FSTL5: variants seen among roughly 807,000 people sequenced by gnomAD.
FSTL5 encodes the protein follistatin like 5, also known as follistatin-related protein 5.
A neutral mutation model predicts 89.1 loss-of-function variants in FSTL5; 62 were observed. That is an observed-to-expected ratio of 0.70 (90% CI 0.57 to 0.86). The LOEUF (loss-of-function observed/expected upper bound fraction) is 0.86. Among genes scored for constraint, FSTL5 ranks in the 40% least tolerant of loss-of-function variants. The pLI, the probability that FSTL5 is intolerant of heterozygous loss-of-function variation, is 0.00. For synonymous variants in FSTL5, 383 were observed against 346.2 expected, an observed-to-expected ratio of 1.11 and a Z score of -1.18; for missense variants, 1,057 against 1,001.6, an observed-to-expected ratio of 1.06 and a Z score of -0.75.
intron 2 of FSTL5, among the ~76,000 whole-genome samples, chr4:162,076,994 C>T (rs1236225935): frequency 6.6e-6 from 1 of 151,840 alleles, no homozygotes. Flanking sequence ...ATATAGCATA[C>T]AGAACCTCCA....
At chr4:162,111,240 A>C in intron 2 of FSTL5, 31 bp downstream of exon 2, 1 of 1,540,110 alleles carries the variant, frequency 6.5e-7, no homozygotes, top group Non-Finnish European at 8.8e-7. Context: ...ATTGGCAGGC[A>C]CTATGAGCAG....
intron 5 of FSTL5, among the ~76,000 whole-genome samples, chr4:161,767,645 A>G (rs548223010): frequency 6.6e-6 from 1 of 152,260 alleles, no homozygotes; most frequent in Non-Finnish European, 1.5e-5. Flanking sequence ...TAAAGGGAAA[A>G]GCTAAGGTAG....
intron 7 of FSTL5, among the ~76,000 whole-genome samples, chr4:161,603,505 C>G (rs972649853): frequency 6.6e-5 from 10 of 152,094 alleles, no homozygotes; most frequent in African/African-American, 1.9e-4. Context: ...AAACAACCCT[C>G]CCCAAAATCT....
At chr4:161,418,906 G>C (rs1335397886) in intron 15 of FSTL5, among the ~76,000 whole-genome samples, 3 of 152,184 alleles carry the variant, frequency 2.0e-5, no homozygotes, top group Non-Finnish European at 2.9e-5. Context: ...GTATAGCAAA[G>C]ATGTATTTCA....
At chr4:161,424,394 T>C (rs1387005699) in intron 15 of FSTL5, among the ~76,000 whole-genome samples, 1 of 151,968 alleles carries the variant, frequency 6.6e-6, no homozygotes, top group Non-Finnish European at 1.5e-5. Context: ...GATATAATGT[T>C]TTTAAGGCAA....
Position 162,066,373 on chromosome 4 carries a change from C to T in FSTL5, c.127-32715G>A, listed in dbSNP as rs11100410. Among the ~76,000 whole-genome samples the T allele has an allele frequency of 7.4e-3, 413 of 56,064 alleles. 2 individuals are homozygous for T. Among genetic ancestry groups the T allele is most frequent in the African/African-American group, 0.02 (308 of 15,686 alleles). 36.8% of individuals were successfully genotyped at this position (56,064 alleles called of 152,430 possible). ...TTCTTCTCCTTCTTCTTCTTCTTCT[C>T]CTTCTTCTTCTTCTTCATTTTCCTT... On this transcript the variant is annotated intron_variant, in intron 2 of 15. Transcript: ENST00000306100.
In FSTL5 at chr4:161,455,100, G is replaced by A. The variant is rs1481302441; in HGVS notation, c.1745C>T (p.Pro582Leu). 3.1e-6 allele frequency: 5 copies of A among 1,611,374 alleles called. No individual in the cohort carries two copies. The Admixed American group carries it at 6.7e-5, about 22-fold the overall frequency. The stretch of plus-strand genomic sequence containing the variant: ...TGGTTGGGTGTGGATCGTGTGGTGA[G>A]GCACATTCCCACTGGCCAGGGTAAT... ...QVITLASGNVPHHTIHTQPVG... is the reference protein window; with the variant it reads ...QVITLASGNVLHHTIHTQPVG... The change falls in exon 15 of 16, where the codon CCT becomes CTT. Residue 582 changes from proline to leucine, a missense_variant. This residue lies in a region of FSTL5 where 980 missense variants were observed against 903.2 expected (regional missense o/e 1.08). Transcript: ENST00000306100.
Position 161,479,049 on chromosome 4 carries a change from T to C in FSTL5, c.1608+1971A>G, listed in dbSNP as rs890964598. Among the ~76,000 whole-genome samples, 37 of 152,036 alleles carry C rather than the reference T, an allele frequency of 2.4e-4. 1 individual carries two copies. Among genetic ancestry groups the C allele is most frequent in the Admixed American group, 2.4e-3 (36 of 15,250 alleles). ...TCAAATAGGTAGTATCTAGAAGGAGTAATACAAATAATTATTATTATAATA... is the reference window on the plus strand; with the variant it reads ...TCAAATAGGTAGTATCTAGAAGGAGCAATACAAATAATTATTATTATAATA... On this transcript the variant is annotated intron_variant, in intron 13 of 15. Coordinates refer to ENST00000306100, the MANE Select transcript of FSTL5 (RefSeq NM_020116.5).
At chr4:162,029,139 A>G (rs1737411547) in intron 3 of FSTL5, among the ~76,000 whole-genome samples, 1 of 133,972 alleles carries the variant, frequency 7.5e-6, no homozygotes, top group African/African-American at 2.8e-5. Flanking sequence ...GTGTATATGT[A>G]CATGAGGGAG....
intron 15 of FSTL5, among the ~76,000 whole-genome samples, chr4:161,415,163 G>A (rs945329637): frequency 6.6e-6 from 1 of 152,100 alleles, no homozygotes; most frequent in Non-Finnish European, 1.5e-5. Context: ...TCATTTCACT[G>A]AGAAAATAAG....
At chr4:161,611,217 T>C (rs1390078483) in intron 7 of FSTL5, among the ~76,000 whole-genome samples, 2 of 126,676 alleles carry the variant, frequency 1.6e-5, no homozygotes, top group Non-Finnish European at 1.6e-5. Context: ...TGTGTATATG[T>C]GTGTATGTGT....
rs184181347 is a variant in FSTL5, at chr4:161,675,963, T to C, written c.728-19469A>G. Among the ~76,000 whole-genome samples, 861 of 152,252 alleles carry C rather than the reference T, an allele frequency of 5.7e-3. 4 individuals carry two copies. The highest frequency in any genetic ancestry group is 9.0e-3 in the Non-Finnish European group (612 of 67,990). ...GGCATATTACCCAATATAAACTAATTTGTATGATACAATTGTAGGAAACGA... is the reference window on the plus strand; with the variant it reads ...GGCATATTACCCAATATAAACTAATCTGTATGATACAATTGTAGGAAACGA... On this transcript the variant is annotated intron_variant, in intron 6 of 15. Coordinates refer to ENST00000306100, the MANE Select transcript of FSTL5 (RefSeq NM_020116.5).
chr4:161,889,263 T>C (rs768099852), intron 4 of FSTL5, among the ~76,000 whole-genome samples: 1 of 152,176 alleles, frequency 6.6e-6, no homozygotes, highest in Non-Finnish European at 1.5e-5. Flanking sequence ...TATTTTATTA[T>C]AATACTATGG....
chr4:162,146,772 CTT>C (rs1733013581), intron 1 of FSTL5, among the ~76,000 whole-genome samples: 1 of 142,704 alleles, frequency 7.0e-6, no homozygotes, highest in African/African-American at 2.6e-5. Flanking sequence ...CTCTCTCTCT[CTT>C]TCTTTCTTTG....
intron 2 of FSTL5, among the ~76,000 whole-genome samples, chr4:162,077,878 C>T (rs1435716403): frequency 1.3e-5 from 2 of 151,688 alleles, no homozygotes; most frequent in East Asian, 3.9e-4. Context: ...TTAAACAAAG[C>T]ACTCAAGTTG....
chr4:162,151,793 G>A (rs1428498462), intron 1 of FSTL5, among the ~76,000 whole-genome samples: 3 of 152,002 alleles, frequency 2.0e-5, no homozygotes, highest in Non-Finnish European at 4.4e-5. Context: ...AAACAATTCC[G>A]AATTTTGCAA....
At chr4:162,088,107 T>C (rs546347387) in intron 2 of FSTL5, among the ~76,000 whole-genome samples, 1 of 152,192 alleles carries the variant, frequency 6.6e-6, no homozygotes, top group South Asian at 2.1e-4. Flanking sequence ...TTTTTGTGAA[T>C]TGCCCAAATT....
intron 5 of FSTL5, among the ~76,000 whole-genome samples, chr4:161,767,341 A>C (rs1741048735): frequency 6.6e-6 from 1 of 152,200 alleles, no homozygotes; most frequent in South Asian, 2.1e-4. Context: ...TACTTATGGG[A>C]GAGACTAAGA....
At chr4:162,073,543 G>A (rs10013455) in intron 2 of FSTL5, among the ~76,000 whole-genome samples, 35,473 of 151,552 alleles carry the variant, frequency 0.23, 4,973 homozygotes, top group Non-Finnish European at 0.32. Context: ...TCAAGAAGCA[G>A]AAAATTGTAG....
Sources: gnomAD v4.1 joint callset for allele counts (sites outside exome capture counted in the v4.1 genomes callset) on GRCh38, gnomAD v4.1.1 for gene constraint, gnomAD v4.1.1 regional missense constraint, MANE v1.5 for transcripts, NCBI Gene and HGNC (gene_info 2026-07-23, HGNC 2026-07-21) for gene names.